Variants in MAST4 observed in about 807,000 individuals in gnomAD.
MAST4 encodes the protein microtubule-associated serine/threonine-protein kinase 4.
In MAST4, 89 loss-of-function variants were observed where a neutral mutation model predicts 162.7. That is an observed-to-expected ratio of 0.55 (90% confidence interval 0.46 to 0.65). The LOEUF (loss-of-function observed/expected upper bound fraction) is 0.65. Ranked by LOEUF, MAST4 falls within the 30% of genes least tolerant of loss-of-function variation. The pLI, the probability that MAST4 is intolerant of heterozygous loss-of-function variation, is 0.00. For missense variants in MAST4, 3,153 were observed against 3,374.0 expected (o/e 0.93, Z 1.62); for synonymous variants, 1,479 against 1,361.1 (o/e 1.09, Z -1.91).
intron 1 of MAST4, among the ~76,000 whole-genome samples, chr5:66,658,393 A>G (rs1746688929): frequency 6.6e-6 from 1 of 152,222 alleles, no homozygotes; most frequent in Admixed American, 6.5e-5. Flanking sequence ...ATGTGAGCTT[A>G]AATGTGTTAA....
rs76526854 is a variant in MAST4 at position 66,644,463 on chromosome 5, A to G, written c.363+47445A>G. 2.3e-3 allele frequency among the ~76,000 whole-genome samples: 355 copies of G among 152,336 alleles called. 2 individuals carry two copies. Among genetic ancestry groups the G allele is most frequent in the African/African-American group, 8.1e-3 (337 of 41,582 alleles). ...TCTAGTTGCTTTGTTTCTTCATTCA[A>G]CTTACTGAGAGAGAAATCTCTTTGG... On this transcript the variant is annotated intron_variant, in intron 1 of 28. Transcript: ENST00000403625.
At chr5:67,148,183 T>G (rs1377936501) in intron 23 of MAST4, among the ~76,000 whole-genome samples, 2 of 152,352 alleles carry the variant, frequency 1.3e-5, no homozygotes, top group Middle Eastern at 3.4e-3. Context: ...TATAGTGGTG[T>G]TAATACTCTG....
intron 1 of MAST4, among the ~76,000 whole-genome samples, chr5:66,713,814 T>C (rs1181180421): frequency 6.6e-6 from 1 of 152,204 alleles, no homozygotes; most frequent in East Asian, 1.9e-4. Flanking sequence ...ATCTCAGCTT[T>C]AGATCTGAAG....
At chr5:66,878,877 C>T (rs1466429337) in intron 3 of MAST4, among the ~76,000 whole-genome samples, 2 of 152,184 alleles carry the variant, frequency 1.3e-5, no homozygotes, top group African/African-American at 4.8e-5. Flanking sequence ...AGACCCCTAA[C>T]AATTCTATTG....
At chr5:67,161,511 G>T (rs567455541) in intron 27 of MAST4, among the ~76,000 whole-genome samples, 1 of 152,214 alleles carries the variant, frequency 6.6e-6, no homozygotes, top group East Asian at 1.9e-4. Flanking sequence ...TTGTATAAGA[G>T]CTTAATTATC....
intron 1 of MAST4, among the ~76,000 whole-genome samples, chr5:66,653,855 A>G (rs1421402256): frequency 6.6e-6 from 1 of 152,094 alleles, no homozygotes; most frequent in Non-Finnish European, 1.5e-5. Flanking sequence ...TTATCTAGCT[A>G]GTGTGTCTTG....
At chr5:66,775,274 T>C (rs1754544419) in intron 2 of MAST4, among the ~76,000 whole-genome samples, 1 of 151,806 alleles carries the variant, frequency 6.6e-6, no homozygotes, top group East Asian at 1.9e-4. Context: ...TGGAGGGTGA[T>C]TGGAGCAACC....
Position 67,166,252 on chromosome 5 carries a change from C to G in MAST4, c.7073C>G (p.Pro2358Arg), listed in dbSNP as rs778372863. The change falls in exon 29 of 29, where the codon CCG (proline) becomes CGG (arginine). Residue 2358 changes from proline (P) to arginine (R), a missense_variant. Physicochemically the swap from Pro to Arg is moderately radical, Grantham distance 103. Transcript: ENST00000403625. ...GACAACAGACAGACAGACAAAAGCC[C>G]GAGTCAGCCGGCCGCCAACACCGAC... Reference protein sequence around the residue: ...QTDNRQTDKSPSQPAANTDRR... With the variant: ...QTDNRQTDKSRSQPAANTDRR... 6 of 1,552,738 alleles carry G rather than the reference C, an allele frequency of 3.9e-6. No individual in the cohort carries two copies. The highest frequency in any genetic ancestry group is 1.4e-5 in the African/African-American group (1 of 73,132).
intron 3 of MAST4, among the ~76,000 whole-genome samples, chr5:66,893,886 T>C (rs943208299): frequency 6.6e-6 from 1 of 152,206 alleles, no homozygotes; most frequent in Non-Finnish European, 1.5e-5. Flanking sequence ...GGTTCTATGG[T>C]ATGAACTTTT....
chr5:66,610,954 C>A (rs1037572145), intron 1 of MAST4, among the ~76,000 whole-genome samples: 2 of 152,232 alleles, frequency 1.3e-5, no homozygotes, highest in Non-Finnish European at 2.9e-5. Context: ...CTTTTCAGCT[C>A]ATTTCTAACA....
intron 4 of MAST4, among the ~76,000 whole-genome samples, chr5:67,048,351 AAAGT>A (rs567053026): frequency 6.6e-6 from 1 of 152,224 alleles, no homozygotes; most frequent in African/African-American, 2.4e-5. Flanking sequence ...TGAGTGAAAA[AAAGT>A]AAGTTACAGA....
chr5:66,690,974 A>G (rs938798393), intron 1 of MAST4, among the ~76,000 whole-genome samples: 3 of 152,316 alleles, frequency 2.0e-5, no homozygotes, highest in Middle Eastern at 3.4e-3. Flanking sequence ...TTGAATTTCA[A>G]TATACTCACT....
chr5:66,922,875 A>G (rs192797923), intron 4 of MAST4, among the ~76,000 whole-genome samples: 15 of 152,284 alleles, frequency 9.9e-5, no homozygotes, highest in Admixed American at 2.0e-4. Flanking sequence ...GCATTCTCCA[A>G]TTTAGGGCGG....
intron 1 of MAST4, among the ~76,000 whole-genome samples, chr5:66,739,897 A>C (rs1466837754): frequency 6.7e-6 from 1 of 150,094 alleles, no homozygotes; most frequent in Non-Finnish European, 1.5e-5. Context: ...TTATTGAGGA[A>C]TACTTCCTCT....
intron 3 of MAST4, among the ~76,000 whole-genome samples, chr5:66,889,333 G>A (rs773160393): frequency 2.0e-5 from 3 of 152,160 alleles, no homozygotes; most frequent in Non-Finnish European, 4.4e-5. Context: ...TTTATCAAGA[G>A]CCTTCATAAA....
At chr5:67,011,560 G>A (rs1752674995) in intron 4 of MAST4, among the ~76,000 whole-genome samples, 1 of 152,070 alleles carries the variant, frequency 6.6e-6, no homozygotes, top group Non-Finnish European at 1.5e-5. Context: ...CCTTGCTCCT[G>A]ACCGCCTCTC....
intron 3 of MAST4, among the ~76,000 whole-genome samples, chr5:66,888,184 T>A (rs1303912895): frequency 1.3e-5 from 2 of 152,262 alleles, no homozygotes; most frequent in African/African-American, 4.8e-5. Flanking sequence ...CTCTTTACAA[T>A]AAATTTCGGT....
intron 1 of MAST4, among the ~76,000 whole-genome samples, chr5:66,747,034 C>T (rs764519476): frequency 6.6e-6 from 1 of 151,076 alleles, no homozygotes; most frequent in Non-Finnish European, 1.5e-5. Flanking sequence ...CCTACAGTGT[C>T]GTGCTCTGTC....
chr5:67,022,193 C>T (rs889085673), intron 4 of MAST4, among the ~76,000 whole-genome samples: 1 of 152,166 alleles, frequency 6.6e-6, no homozygotes, highest in African/African-American at 2.4e-5. Context: ...TGAGCATATT[C>T]GTGCTTATAG....
Sources: gnomAD v4.1 joint callset for allele counts (sites outside exome capture counted in the v4.1 genomes callset) on GRCh38, gnomAD v4.1.1 for gene constraint, MANE v1.5 for transcripts, NCBI Gene and HGNC (gene_info 2026-07-23, HGNC 2026-07-21) for gene names.